The following MACF1 variants were observed in gnomAD, a reference collection of about 807,000 sequenced individuals.
MACF1 encodes the protein microtubule actin crosslinking factor 1, also known as microtubule-actin cross-linking factor 1.
MACF1 carries 193 observed loss-of-function variants against 854.8 expected under a neutral mutation model. That is an observed-to-expected ratio of 0.23 (90% CI 0.20 to 0.25). The LOEUF is 0.25. Ranked by LOEUF, MACF1 falls within the 10% of genes least tolerant of loss-of-function variation. The probability of loss-of-function intolerance (pLI) is 1.00; values close to 1 mark genes in which losing one functional copy is unlikely to be tolerated. For synonymous variants in MACF1, 3,185 were observed against 3,226.7 expected (o/e 0.99, Z 0.44); for missense variants, 7,722 against 8,929.1 (o/e 0.86, Z 5.45).
chr1:39,308,676 A>G (rs1221714043), intron 23 of MACF1, among the ~76,000 whole-genome samples: 1 of 151,738 alleles, frequency 6.6e-6, no homozygotes, highest in Non-Finnish European at 1.5e-5. Flanking sequence ...TTTTCTTGAA[A>G]TGGAGTTCTG....
chr1:39,303,622 G>A (rs1019344060), intron 23 of MACF1, among the ~76,000 whole-genome samples: 2 of 151,176 alleles, frequency 1.3e-5, no homozygotes, highest in East Asian at 3.9e-4. Context: ...GAGGCCGAGG[G>A]AGGCGGATCA....
intron 2 of MACF1, among the ~76,000 whole-genome samples, chr1:39,116,491 G>A (rs1388604441): frequency 6.6e-6 from 1 of 152,104 alleles, no homozygotes; most frequent in East Asian, 1.9e-4. Context: ...AAGGCAGACA[G>A]GTAGATTGAT....
In MACF1 at chr1:39,438,803, C is replaced by A. The variant is rs568202930; in HGVS notation, c.18221-471C>A. Among the ~76,000 whole-genome samples the A allele has an allele frequency of 2.0e-5, 3 of 149,452 alleles. No individual in the cohort carries two copies. In the South Asian group the frequency reaches 6.3e-4, roughly 32 times the overall value. On this transcript the variant is annotated intron_variant, in intron 71 of 100. Transcript: ENST00000564288. Reference sequence around the variant, plus strand: ...TCTAAAAAAAGAAATAAATAATAGGCCGGGTGTGGTGGCTCATGCTGATAA... The same window carrying A: ...TCTAAAAAAAGAAATAAATAATAGGACGGGTGTGGTGGCTCATGCTGATAA...
intron 2 of MACF1, among the ~76,000 whole-genome samples, chr1:39,159,067 G>C (rs1378182673): frequency 6.6e-6 from 1 of 152,160 alleles, no homozygotes; most frequent in Non-Finnish European, 1.5e-5. Context: ...TGCTGATCGT[G>C]TGAGCACTTA....
intron 35 of MACF1, among the ~76,000 whole-genome samples, chr1:39,325,754 C>T (rs531223675): frequency 1.3e-5 from 2 of 152,178 alleles, no homozygotes; most frequent in South Asian, 2.1e-4. Flanking sequence ...TTGTTAGGAC[C>T]GAAGCCAGAA....
chr1:39,320,615 G>A (rs1646496241), intron 31 of MACF1, among the ~76,000 whole-genome samples: 1 of 152,112 alleles, frequency 6.6e-6, no homozygotes, highest in African/African-American at 2.4e-5. Context: ...TTCTTACATG[G>A]TTTATAAGGC....
In MACF1 at chr1:39,335,152, C is replaced by G. The variant is rs191035583; in HGVS notation, c.8564C>G (p.Pro2855Arg). ...TTTGGGTGCAAGGATCAACGTAAGCCAAGAATGTCTTCAGATGCTAAAGAA... is the reference window on the plus strand; with the variant it reads ...TTTGGGTGCAAGGATCAACGTAAGCGAAGAATGTCTTCAGATGCTAAAGAA... ...KEFGCKDQRKPRMSSDAKEFI... is the reference protein window; with the variant it reads ...KEFGCKDQRKRRMSSDAKEFI... The change falls in exon 37 of 101, where the codon CCA (proline) becomes CGA (arginine). Residue 2855 changes from proline (P) to arginine (R), a missense_variant. Transcript: ENST00000564288. The G allele has an allele frequency of 3.2e-5, 52 of 1,613,966 alleles. 1 individual carries two copies. The Admixed American group carries it at 7.2e-4, about 22-fold the overall frequency.
At chr1:39,313,905 G>A (rs1475467877) in intron 26 of MACF1, among the ~76,000 whole-genome samples, 2 of 152,024 alleles carry the variant, frequency 1.3e-5, no homozygotes, top group African/African-American at 4.8e-5. Flanking sequence ...CATGGGTCAT[G>A]ATGCCCATTG....
intron 2 of MACF1, among the ~76,000 whole-genome samples, chr1:39,108,507 T>TA (rs1017294744): frequency 8.9e-6 from 1 of 112,346 alleles, no homozygotes; most frequent in Non-Finnish European, 1.9e-5. Context: ...CATGAGAGGG[T>TA]TTTTTTTTTT....
At chr1:39,453,579 C>G (rs1475107484) in intron 87 of MACF1, 128 bp from the exon 88 acceptor site, 2 of 755,384 alleles carry the variant, frequency 2.6e-6, no homozygotes, top group African/African-American at 3.5e-5. Context: ...ACTATACAGG[C>G]TTTTAGAGGT....
chr1:39,234,430 A>G (rs1374745546), intron 2 of MACF1, among the ~76,000 whole-genome samples: 36 of 129,498 alleles, frequency 2.8e-4, no homozygotes, highest in South Asian at 5.1e-4. Flanking sequence ...TGACCCCCCC[A>G]CCTCCCTCCC....
In MACF1 at chr1:39,332,647, A is replaced by G; in HGVS notation, c.6059A>G (p.Gln2020Arg). ...HQRQKTPEGLQESANVKISGT... is the reference protein window; with the variant it reads ...HQRQKTPEGLRESANVKISGT... ...AGGCAAAAAACTCCTGAGGGATTGC[A>G]AGAATCAGCTAATGTGAAAATCTCA... The change falls in exon 37 of 101, where the codon CAA becomes CGA. Residue 2020 changes from glutamine to arginine, a missense_variant. Physicochemically the swap from Gln to Arg is conservative, Grantham distance 43 (BLOSUM62 1). Around this residue, in one of 15 missense-constraint regions of MACF1, gnomAD observed 1,531 missense variants for 1,601.6 expected, o/e 0.96. Coordinates refer to ENST00000564288, the MANE Select transcript of MACF1 (RefSeq NM_001394062.1). The G allele has an allele frequency of 1.2e-6, 2 of 1,614,204 alleles. No individual in the cohort carries two copies. The highest frequency in any genetic ancestry group is 1.7e-6 in the Non-Finnish European group (2 of 1,180,024).
intron 6 of MACF1, among the ~76,000 whole-genome samples, chr1:39,263,605 A>G (rs534895134): frequency 6.6e-6 from 1 of 152,024 alleles, no homozygotes; most frequent in Non-Finnish European, 1.5e-5. Flanking sequence ...TCTGCTCCCC[A>G]GGTAAATATT....
At chr1:39,216,889 C>A (rs1041829604) in intron 1 of MACF1, among the ~76,000 whole-genome samples, 2 of 152,128 alleles carry the variant, frequency 1.3e-5, no homozygotes, top group South Asian at 4.1e-4. Flanking sequence ...CCCACATAAT[C>A]CCCTAAAGGC....
intron 55 of MACF1, among the ~76,000 whole-genome samples, chr1:39,381,560 G>A (rs905788139): frequency 6.6e-6 from 1 of 151,868 alleles, no homozygotes; most frequent in Admixed American, 6.6e-5. Context: ...GTAAAGATAG[G>A]GTCTTGCTTT....
At chr1:39,389,021 G>A (rs1457633095) in intron 58 of MACF1, among the ~76,000 whole-genome samples, 4 of 151,140 alleles carry the variant, frequency 2.6e-5, no homozygotes, top group Non-Finnish European at 5.9e-5. Context: ...TGGGACCACA[G>A]GCGCCACCAT....
intron 15 of MACF1, among the ~76,000 whole-genome samples, chr1:39,290,938 G>A (rs546840178): frequency 1.3e-5 from 2 of 151,530 alleles, no homozygotes; most frequent in African/African-American, 4.8e-5. Flanking sequence ...GCCTCCCAAA[G>A]TGCTGGGATT....
At chr1:39,360,070 CAT>C (rs1553304476) in intron 47 of MACF1, among the ~76,000 whole-genome samples, 11 of 110,302 alleles carry the variant, frequency 1.0e-4, no homozygotes, top group African/African-American at 1.7e-4. Flanking sequence ...CACACACACA[CAT>C]ATGTATATAC....
intron 70 of MACF1, chr1:39,436,372 C>T: frequency 1.8e-6 from 2 of 1,126,484 alleles, no homozygotes; most frequent in South Asian, 1.3e-5. Context: ...CCTTCCGTCC[C>T]ATCTCTCACT....
Sources: allele counts gnomAD v4.1 joint callset (sites outside exome capture counted in the v4.1 genomes callset), GRCh38; gene constraint gnomAD v4.1.1; regional missense constraint gnomAD v4.1.1; transcripts MANE v1.5; gene names NCBI Gene and HGNC (gene_info 2026-07-23, HGNC 2026-07-21).